TTC17: variants seen among roughly 807,000 people sequenced by gnomAD.
The protein encoded by TTC17 is tetratricopeptide repeat protein 17.
Under a neutral mutation model 143.8 loss-of-function variants are expected in TTC17, and 58 were observed. The observed-to-expected ratio is 0.40, with a 90% confidence interval of 0.33 to 0.50. The LOEUF (loss-of-function observed/expected upper bound fraction) is 0.50, where lower values mean the gene tolerates loss of function less well. Among genes scored for constraint, TTC17 ranks in the 20% least tolerant of loss-of-function variants. TTC17 has a pLI of 0.49. For synonymous variants in TTC17, 501 were observed against 497.8 expected (o/e 1.01, Z -0.09); for missense variants, 1,273 against 1,392.5 (o/e 0.91, Z 1.37).
chr11:43,441,985 C>T (rs934491087), intron 16 of TTC17, among the ~76,000 whole-genome samples: 3 of 152,060 alleles, frequency 2.0e-5, no homozygotes, highest in Admixed American at 2.0e-4. Context: ...ATTTTGCCGT[C>T]GTGGGAACAT....
At chr11:43,490,752 C>G (rs1948459367) in intron 22 of TTC17, 1 of 149,190 alleles carries the variant, frequency 6.7e-6, no homozygotes. Flanking sequence ...TGCTTATCCT[C>G]TTGGCTTGAG....
chr11:43,490,515 C>T (rs899049688), intron 22 of TTC17, among the ~76,000 whole-genome samples, 157 bp downstream of exon 22: 5 of 152,174 alleles, frequency 3.3e-5, no homozygotes, highest in Non-Finnish European at 7.3e-5. Flanking sequence ...GGGCTTGTGC[C>T]CCAGCAAGCC....
At chr11:43,444,468 C>T (rs767455077) in intron 18 of TTC17, 2 of 264,450 alleles carry the variant, frequency 7.6e-6, no homozygotes, top group South Asian at 1.4e-4. Context: ...TATTTACATG[C>T]TCTTTCCATG....
At chr11:43,374,899 T>C (rs1030549204) in intron 1 of TTC17, among the ~76,000 whole-genome samples, 8 of 152,176 alleles carry the variant, frequency 5.3e-5, no homozygotes, top group Non-Finnish European at 1.0e-4. Context: ...GTTCCTGTAC[T>C]GATTATATAC....
intron 1 of TTC17, among the ~76,000 whole-genome samples, chr11:43,368,538 T>C (rs1856441052): frequency 6.6e-6 from 1 of 152,202 alleles, no homozygotes; most frequent in Non-Finnish European, 1.5e-5. Flanking sequence ...AATCCAGCCA[T>C]GTCTTTCCAC....
At position 43,391,925 on chromosome 11, in the gene TTC17, T is replaced by C; in HGVS notation, c.636T>C (p.Gly212=). 1.2e-6 allele frequency: 2 copies of C among 1,610,920 alleles called. No homozygotes were observed. The highest frequency in any genetic ancestry group is 1.7e-6 in the Non-Finnish European group (2 of 1,179,110). The change falls in exon 5 of 24, where the codon GGT becomes GGC. Residue 212 remains glycine (G), a synonymous_variant. Coordinates refer to ENST00000039989, the MANE Select transcript of TTC17 (RefSeq NM_018259.6). ...TAGGAAGGAGTATAGATGACATAGG[T>C]CACCTCATTCATGAAGGCCTACAGA... ...KRLGRSIDDI[G]HLIHEGLQKN... is the part of the protein sequence containing the mutation.
At chr11:43,476,188 C>A (rs545091447) in intron 21 of TTC17, among the ~76,000 whole-genome samples, 6 of 152,198 alleles carry the variant, frequency 3.9e-5, no homozygotes, top group Admixed American at 2.6e-4. Flanking sequence ...TAGCTTCTAC[C>A]AAGTATTTGA....
At chr11:43,479,860 T>C (rs941841644) in intron 21 of TTC17, among the ~76,000 whole-genome samples, 2 of 152,180 alleles carry the variant, frequency 1.3e-5, no homozygotes, top group Non-Finnish European at 2.9e-5. Flanking sequence ...ACTGAGGAGC[T>C]GGAGCTCTTG....
chr11:43,418,614 T>C (rs1946830979), intron 16 of TTC17, among the ~76,000 whole-genome samples: 1 of 152,098 alleles, frequency 6.6e-6, no homozygotes, highest in Non-Finnish European at 1.5e-5. Flanking sequence ...TGCTTTTGAA[T>C]ATAAGCAATG....
chr11:43,387,083 C>T (rs1590337467), intron 2 of TTC17, among the ~76,000 whole-genome samples: 1 of 152,114 alleles, frequency 6.6e-6, no homozygotes, highest in East Asian at 1.9e-4. Flanking sequence ...CACGCCAATC[C>T]TACTAATCAG....
intron 21 of TTC17, among the ~76,000 whole-genome samples, chr11:43,483,376 G>T (rs1948323299): frequency 6.6e-6 from 1 of 151,828 alleles, no homozygotes; most frequent in Non-Finnish European, 1.5e-5. Flanking sequence ...TTATGAGAAA[G>T]AAAAATAATA....
At chr11:43,432,712 CTG>C (rs759720232) in intron 16 of TTC17, among the ~76,000 whole-genome samples, 4 of 152,094 alleles carry the variant, frequency 2.6e-5, no homozygotes, top group Non-Finnish European at 5.9e-5. Flanking sequence ...CAATATTTTC[CTG>C]TGTTTCTTTC....
At chr11:43,431,539 G>A (rs1470579711) in intron 16 of TTC17, among the ~76,000 whole-genome samples, 1 of 152,174 alleles carries the variant, frequency 6.6e-6, no homozygotes, top group Non-Finnish European at 1.5e-5. Flanking sequence ...TTCTGAGTTG[G>A]CTATAACTAA....
At chr11:43,375,915 A>C (rs1856748626) in intron 1 of TTC17, among the ~76,000 whole-genome samples, 1 of 152,208 alleles carries the variant, frequency 6.6e-6, no homozygotes, top group African/African-American at 2.4e-5. Context: ...GAACTTACTG[A>C]ATTTGTTGAG....
intron 1 of TTC17, among the ~76,000 whole-genome samples, chr11:43,365,398 A>G (rs1648796613): frequency 6.6e-6 from 1 of 152,080 alleles, no homozygotes; most frequent in Admixed American, 6.6e-5. Flanking sequence ...CCTCCCATGT[A>G]GCTGGGACTA....
chr11:43,401,296 T>G, intron 9 of TTC17, 150 bp from the exon 10 acceptor site: 1 of 516,488 alleles, frequency 1.9e-6, no homozygotes, highest in Non-Finnish European at 3.5e-6. Flanking sequence ...TAACCATTAA[T>G]GAATATTTCT....
chr11:43,446,059 C>T, intron 18 of TTC17: 1 of 1,518,974 alleles, frequency 6.6e-7, no homozygotes, highest in Non-Finnish European at 8.8e-7. Context: ...GAAGCCTTCC[C>T]ATTGCCTACA....
chr11:43,456,683 C>T (rs367872986), intron 21 of TTC17, among the ~76,000 whole-genome samples: 1 of 152,106 alleles, frequency 6.6e-6, no homozygotes, highest in Non-Finnish European at 1.5e-5. Flanking sequence ...TGCCTATGCC[C>T]CCAGCACTTG....
At chr11:43,458,352 G>C (rs1947802756) in intron 21 of TTC17, among the ~76,000 whole-genome samples, 1 of 152,104 alleles carries the variant, frequency 6.6e-6, no homozygotes, top group African/African-American at 2.4e-5. Flanking sequence ...TGGTCTCTCT[G>C]GCACAGTAAT....
Sources: allele counts gnomAD v4.1 joint callset (sites outside exome capture counted in the v4.1 genomes callset), GRCh38; gene constraint gnomAD v4.1.1; transcripts MANE v1.5; gene names NCBI Gene and HGNC (gene_info 2026-07-23, HGNC 2026-07-21).